LINGO2: variants seen among roughly 807,000 people sequenced by gnomAD.
LINGO2 encodes the protein leucine rich repeat and Ig domain containing 2.
Under a neutral mutation model 30.6 loss-of-function variants are expected in LINGO2, and 14 were observed. The observed-to-expected ratio is 0.46, with a 90% CI of 0.30 to 0.72. The LOEUF (loss-of-function observed/expected upper bound fraction) is 0.72. Ranked by LOEUF, LINGO2 falls within the 30% of genes least tolerant of loss-of-function variation. The pLI, the probability that LINGO2 is intolerant of heterozygous loss-of-function variation, is 0.07. For missense variants in LINGO2, 729 were observed against 751.7 expected (o/e 0.97, Z 0.35); for synonymous variants, 317 against 288.5 (o/e 1.10, Z -1.00).
At chr9:28,386,744 A>G (rs932060457) in intron 2 of LINGO2, among the ~76,000 whole-genome samples, 3 of 152,202 alleles carry the variant, frequency 2.0e-5, no homozygotes, top group African/African-American at 4.8e-5. Context: ...TTTATAAAGT[A>G]GGTAGAGATT....
chr9:28,998,965 TA>T, the LINGO2 span, among the ~76,000 whole-genome samples: 3 of 152,124 alleles, frequency 2.0e-5, no homozygotes, highest in Admixed American at 6.6e-5. Context: ...AGGCCAGTTT[TA>T]AATAAAATGA....
the LINGO2 span, among the ~76,000 whole-genome samples, chr9:29,131,004 A>G: frequency 1.6e-4 from 24 of 152,244 alleles, no homozygotes; most frequent in African/African-American, 4.8e-4. Flanking sequence ...CAGCCCAAAG[A>G]TAAGTTAATG....
In LINGO2 at chr9:28,414,866, G is replaced by A. The variant is rs1459240553; in HGVS notation, c.-278-41998C>T. 3.3e-5 allele frequency among the ~76,000 whole-genome samples: 5 copies of A among 152,042 alleles called. No homozygotes were observed. In the South Asian group the frequency reaches 6.2e-4, roughly 19 times the overall value. On this transcript the variant is annotated intron_variant, in intron 2 of 5. Coordinates refer to ENST00000379992, the Ensembl canonical transcript of LINGO2. ...CATTCAAGATAGGCATTAAGATTTT[G>A]TGAGTGAAAATTCTTGAAAAGTTGT...
chr9:28,079,143 G>A (rs1234617059), intron 4 of LINGO2, among the ~76,000 whole-genome samples: 4 of 135,334 alleles, frequency 3.0e-5, no homozygotes, highest in Non-Finnish European at 5.9e-5. Context: ...CTACTATTAG[G>A]CTTTAAAGCA....
the LINGO2 span, among the ~76,000 whole-genome samples, chr9:28,729,532 A>T: frequency 6.6e-6 from 1 of 152,088 alleles, no homozygotes; most frequent in African/African-American, 2.4e-5. Context: ...TCCATGAATC[A>T]TTCATCAAAT....
chr9:28,130,981 G>A lies in LINGO2; in HGVS notation c.-86-118576C>T, dbSNP rs992556584. On this transcript the variant is annotated intron_variant, in intron 4 of 5. Coordinates refer to ENST00000379992, the Ensembl canonical transcript of LINGO2. The surrounding 1 kb of genome is among the most constrained non-coding windows in gnomAD (Gnocchi z 5.2). The stretch of plus-strand genomic sequence containing the variant: ...CTTTGGATTTCCCAACAATGTATAC[G>A]CCTTCCCATCTCTGCCTTTACTTAT... Among the ~76,000 whole-genome samples, 2 of 151,902 alleles carry A rather than the reference G, an allele frequency of 1.3e-5. No homozygotes were observed. Among genetic ancestry groups the A allele is most frequent in the South Asian group, 2.1e-4 (1 of 4,810 alleles).
rs182988957 is a variant in LINGO2 at position 28,295,999 on chromosome 9, A to G, written c.-245-633T>C. 1.8e-3 allele frequency among the ~76,000 whole-genome samples: 277 copies of G among 152,338 alleles called. 2 individuals carry two copies. In the Middle Eastern group the frequency reaches 0.02, roughly 11 times the overall value. ...TGACAGTAAGACAGTACTGTAAGAG[A>G]GTAACCAATGTAAATGCATTGTAGC... On this transcript the variant is annotated intron_variant, in intron 3 of 5. Coordinates refer to ENST00000379992, the Ensembl canonical transcript of LINGO2.
intron 1 of LINGO2, among the ~76,000 whole-genome samples, chr9:28,518,288 T>C (rs1437238431): frequency 6.6e-6 from 1 of 152,212 alleles, no homozygotes; most frequent in Non-Finnish European, 1.5e-5. Context: ...CTAGTTTCCA[T>C]TCCTTTCCAC....
At chr9:27,977,581 G>C (rs570284229) in intron 5 of LINGO2, among the ~76,000 whole-genome samples, 1 of 151,978 alleles carries the variant, frequency 6.6e-6, no homozygotes, top group South Asian at 2.1e-4. Context: ...ATCCTCAGAA[G>C]ACAAGTTTTA....
chr9:28,612,938 G>A (rs1825981343), intron 1 of LINGO2, among the ~76,000 whole-genome samples: 1 of 152,124 alleles, frequency 6.6e-6, no homozygotes, highest in Admixed American at 6.5e-5. Flanking sequence ...GAGAGACCAG[G>A]TGGAGATAAT....
intron 4 of LINGO2, among the ~76,000 whole-genome samples, chr9:28,188,748 A>G (rs866413341): frequency 6.6e-6 from 1 of 152,188 alleles, no homozygotes; most frequent in African/African-American, 2.4e-5. Flanking sequence ...ACCTGCTTCT[A>G]TATTCCCATA....
chr9:29,096,769 G>T, the LINGO2 span, among the ~76,000 whole-genome samples: 4 of 139,992 alleles, frequency 2.9e-5, 1 homozygote, highest in African/African-American at 1.1e-4. Context: ...CATGCCAAGT[G>T]CATCTCCGGT....
chr9:29,184,965 T>C, the LINGO2 span, among the ~76,000 whole-genome samples: 1 of 152,174 alleles, frequency 6.6e-6, no homozygotes, highest in East Asian at 1.9e-4. Flanking sequence ...CAAAACACAG[T>C]GATTAAAAAT....
At chr9:29,168,152 G>C in the LINGO2 span, among the ~76,000 whole-genome samples, 7 of 151,500 alleles carry the variant, frequency 4.6e-5, no homozygotes, top group African/African-American at 1.7e-4. Flanking sequence ...TATCAGTTTT[G>C]TAATACTCAG....
chr9:28,475,326 C>CT (rs1456996734), intron 2 of LINGO2, among the ~76,000 whole-genome samples: 2 of 152,060 alleles, frequency 1.3e-5, no homozygotes, highest in Non-Finnish European at 2.9e-5. Flanking sequence ...GGTTTTTATA[C>CT]TTTTTGTATA....
chr9:28,119,492 A>C (rs1827031029), intron 4 of LINGO2, among the ~76,000 whole-genome samples: 1 of 152,222 alleles, frequency 6.6e-6, no homozygotes, highest in Non-Finnish European at 1.5e-5. Context: ...AAATGGGCAC[A>C]ATAATAATAA....
At chr9:29,208,868 T>A in the LINGO2 span, among the ~76,000 whole-genome samples, 1 of 152,136 alleles carries the variant, frequency 6.6e-6, no homozygotes, top group African/African-American at 2.4e-5. Flanking sequence ...TCATGCTGCC[T>A]CCCAGTGGCA....
chr9:27,990,018 A>T (rs1368297645), intron 5 of LINGO2, among the ~76,000 whole-genome samples: 2 of 152,046 alleles, frequency 1.3e-5, no homozygotes, highest in South Asian at 4.1e-4. Context: ...GTCTGCACAG[A>T]TCATTCCCTA....
At chr9:28,411,499 A>T (rs867582015) in intron 2 of LINGO2, among the ~76,000 whole-genome samples, 2 of 152,130 alleles carry the variant, frequency 1.3e-5, no homozygotes, top group East Asian at 3.9e-4. Context: ...ATTAAACAAG[A>T]AATCACCATT....
Sources: allele counts gnomAD v4.1 joint callset (sites outside exome capture counted in the v4.1 genomes callset), GRCh38; gene constraint gnomAD v4.1.1; non-coding constraint Gnocchi (gnomAD v3.1); transcripts MANE v1.5; gene names NCBI Gene and HGNC (gene_info 2026-07-23, HGNC 2026-07-21).